ADAMTSL1: variants seen among roughly 807,000 people sequenced by gnomAD.
The protein encoded by ADAMTSL1 is ADAMTS like 1, also known as ADAMTS-like protein 1.
A neutral mutation model predicts 201.8 loss-of-function variants in ADAMTSL1; 126 were observed. The ratio of observed to expected loss-of-function variants is 0.62; its 90% CI spans 0.54 to 0.72. The LOEUF is 0.72. ADAMTSL1 is among the 30% of genes least tolerant of loss of function. The pLI is 0.00. For missense variants in ADAMTSL1, 2,679 were observed against 2,277.8 expected (o/e 1.18, Z -3.59); for synonymous variants, 1,121 against 903.4 (o/e 1.24, Z -4.32).
chr9:18,103,894 C>T (rs1387137210), intron 1 of ADAMTSL1, among the ~76,000 whole-genome samples: 2 of 152,176 alleles, frequency 1.3e-5, no homozygotes, highest in African/African-American at 2.4e-5. Context: ...CTGCATGCTA[C>T]ACTCTTCACT....
chr9:17,926,108 A>G (rs993490332), intron 1 of ADAMTSL1, among the ~76,000 whole-genome samples: 2 of 152,162 alleles, frequency 1.3e-5, no homozygotes, highest in Non-Finnish European at 2.9e-5. Flanking sequence ...TCTACTGCAT[A>G]TGGAAAGGAA....
At chr9:18,171,894 A>G (rs1210198540) in intron 2 of ADAMTSL1, among the ~76,000 whole-genome samples, 3 of 152,094 alleles carry the variant, frequency 2.0e-5, no homozygotes, top group Non-Finnish European at 4.4e-5. Context: ...AGCTTTCTGC[A>G]TATGGCTAGC....
chr9:18,464,057 T>C (rs1820908259), intron 2 of ADAMTSL1, among the ~76,000 whole-genome samples: 1 of 152,202 alleles, frequency 6.6e-6, no homozygotes, highest in Non-Finnish European at 1.5e-5. Context: ...GTCTCATGTG[T>C]GAGTAGTTGT....
At chr9:18,210,084 C>T (rs966284874) in intron 2 of ADAMTSL1, among the ~76,000 whole-genome samples, 6 of 151,850 alleles carry the variant, frequency 4.0e-5, no homozygotes, top group Admixed American at 2.6e-4. Context: ...TTTCTGATGC[C>T]TTCCTTTTCT....
At chr9:18,409,444 G>T (rs1217305826) in intron 2 of ADAMTSL1, among the ~76,000 whole-genome samples, 4 of 146,560 alleles carry the variant, frequency 2.7e-5, no homozygotes, top group South Asian at 2.2e-4. Flanking sequence ...CCAAAGAAAT[G>T]AGGGATTTAC....
intron 2 of ADAMTSL1, among the ~76,000 whole-genome samples, chr9:18,412,760 T>C (rs1180241142): frequency 6.6e-6 from 1 of 152,222 alleles, no homozygotes; most frequent in Non-Finnish European, 1.5e-5. Flanking sequence ...CCTTTTGACA[T>C]AATTTCATTC....
chr9:18,085,482 C>CATATAT (rs371256393), intron 1 of ADAMTSL1, among the ~76,000 whole-genome samples: 1 of 45,250 alleles, frequency 2.2e-5, no homozygotes, highest in East Asian at 5.3e-4. Context: ...TATGTGTGTG[C>CATATAT]ATATATATAT....
intron 2 of ADAMTSL1, among the ~76,000 whole-genome samples, chr9:18,345,117 A>C (rs1835644809): frequency 6.6e-6 from 1 of 152,112 alleles, no homozygotes; most frequent in African/African-American, 2.4e-5. Context: ...TTTCACTCTG[A>C]CTTCCAGTTC....
At chr9:18,162,700 A>G (rs765455147) in intron 1 of ADAMTSL1, among the ~76,000 whole-genome samples, 27 of 152,052 alleles carry the variant, frequency 1.8e-4, no homozygotes, top group Non-Finnish European at 3.1e-4. Flanking sequence ...ATAAATTAAT[A>G]TAAACATCCA....
At chr9:18,309,301 A>G (rs1271701068) in intron 2 of ADAMTSL1, among the ~76,000 whole-genome samples, 6 of 151,910 alleles carry the variant, frequency 3.9e-5, no homozygotes, top group Non-Finnish European at 8.8e-5. Flanking sequence ...CTCCCTCACC[A>G]CTCCTATTCA....
At chr9:18,284,696 A>G (rs1832927253) in intron 2 of ADAMTSL1, among the ~76,000 whole-genome samples, 1 of 152,202 alleles carries the variant, frequency 6.6e-6, no homozygotes, top group Non-Finnish European at 1.5e-5. Context: ...AAACTTAACT[A>G]TTATTTCATA....
intron 3 of ADAMTSL1, among the ~76,000 whole-genome samples, chr9:18,547,431 G>A (rs1820533520): frequency 6.6e-6 from 1 of 151,866 alleles, no homozygotes; most frequent in Non-Finnish European, 1.5e-5. Context: ...GAAAATAAAT[G>A]CAAGATGGTG....
chr9:18,871,597 A>T (rs1313360755), intron 23 of ADAMTSL1, among the ~76,000 whole-genome samples: 3 of 152,176 alleles, frequency 2.0e-5, no homozygotes, highest in Admixed American at 6.5e-5. Context: ...TTGGGGTTCC[A>T]TCACAACCTT....
chr9:18,385,399 C>T (rs769595326), intron 2 of ADAMTSL1, among the ~76,000 whole-genome samples: 9 of 152,110 alleles, frequency 5.9e-5, no homozygotes, highest in African/African-American at 1.9e-4. Context: ...AGTGTCTCCA[C>T]TGAAAACAAT....
chr9:18,322,835 A>T (rs2132862080), intron 2 of ADAMTSL1, among the ~76,000 whole-genome samples: 1 of 152,338 alleles, frequency 6.6e-6, no homozygotes, highest in South Asian at 2.1e-4. Context: ...TAAAATGCAT[A>T]CATCAATGCA....
chr9:18,316,163 C>T (rs375100103), intron 2 of ADAMTSL1, among the ~76,000 whole-genome samples: 39 of 152,142 alleles, frequency 2.6e-4, no homozygotes, highest in African/African-American at 2.2e-4. Flanking sequence ...GTACTTTACA[C>T]GGTAATAGAA....
At chr9:18,223,298 T>C (rs983047678) in intron 2 of ADAMTSL1, among the ~76,000 whole-genome samples, 1 of 152,122 alleles carries the variant, frequency 6.6e-6, no homozygotes, top group African/African-American at 2.4e-5. Flanking sequence ...TGATCGATCA[T>C]TAAGAATAAT....
At chr9:18,809,789 C>T (rs1355301489) in intron 20 of ADAMTSL1, among the ~76,000 whole-genome samples, 2 of 151,034 alleles carry the variant, frequency 1.3e-5, no homozygotes, top group African/African-American at 4.9e-5. Flanking sequence ...AACTCCATCT[C>T]AAAAACAAAA....
At chr9:18,772,177 A>G (rs1820730130) in intron 17 of ADAMTSL1, among the ~76,000 whole-genome samples, 1 of 152,162 alleles carries the variant, frequency 6.6e-6, no homozygotes, top group African/African-American at 2.4e-5. Flanking sequence ...AGGTAGGTGT[A>G]TTTGCCAAGT....
Sources: allele counts gnomAD v4.1 joint callset (sites outside exome capture counted in the v4.1 genomes callset), GRCh38; gene constraint gnomAD v4.1.1; transcripts MANE v1.5; gene names NCBI Gene and HGNC (gene_info 2026-07-23, HGNC 2026-07-21).